The following PALM2AKAP2 variants were observed in gnomAD, a reference collection of about 807,000 sequenced individuals.
PALM2AKAP2 encodes the protein PALM2-AKAP2 fusion protein.
Under a neutral mutation model 71.5 loss-of-function variants are expected in PALM2AKAP2, and 37 were observed. The ratio of observed to expected loss-of-function variants is 0.52; its 90% CI spans 0.40 to 0.68. PALM2AKAP2 has a LOEUF of 0.68. PALM2AKAP2 is among the 30% of genes least tolerant of loss of function. The probability of loss-of-function intolerance (pLI) is 0.00; values close to 1 mark genes in which losing one functional copy is unlikely to be tolerated. For missense variants in PALM2AKAP2, 1,224 were observed against 1,191.8 expected (o/e 1.03, Z -0.40); for synonymous variants, 468 against 478.8 (o/e 0.98, Z 0.29).
In PALM2AKAP2 at chr9:109,826,920, T is replaced by C. The variant is rs372222057; in HGVS notation, c.46-40571T>C. Among the ~76,000 whole-genome samples, 17 of 152,212 alleles carry C rather than the reference T, an allele frequency of 1.1e-4. No individual in the cohort carries two copies. In the East Asian group the frequency reaches 1.5e-3, roughly 14 times the overall value. On this transcript the variant is annotated intron_variant, in intron 1 of 9. Coordinates refer to the PALM2AKAP2 transcript ENST00000302798. The stretch of plus-strand genomic sequence containing the variant: ...TTTCAGAATACTGCCTTCTCAAAGA[T>C]ATGGTTCTCCTGATTGATTATGAAA...
chr9:109,903,794 T>A (rs963393382), intron 3 of PALM2AKAP2, among the ~76,000 whole-genome samples: 8 of 143,064 alleles, frequency 5.6e-5, no homozygotes, highest in African/African-American at 2.1e-4. Flanking sequence ...TTTTCTGGAT[T>A]TTTTTTTTTT....
chr9:109,774,010 T>C (rs1829312635), intron 1 of PALM2AKAP2, among the ~76,000 whole-genome samples: 1 of 152,160 alleles, frequency 6.6e-6, no homozygotes, highest in South Asian at 2.1e-4. Flanking sequence ...GCCAGCAGGG[T>C]GGACAGGATT....
upstream of PALM2AKAP2, among the ~76,000 whole-genome samples, chr9:109,777,095 C>T (rs904177412): frequency 9.2e-5 from 14 of 152,170 alleles, no homozygotes; most frequent in African/African-American, 2.2e-4. Context: ...TCTTTACAAA[C>T]GATTTCTATT....
chr9:109,960,930 A>G (rs1432793938), intron 6 of PALM2AKAP2, among the ~76,000 whole-genome samples: 1 of 152,208 alleles, frequency 6.6e-6, no homozygotes, highest in Non-Finnish European at 1.5e-5. Flanking sequence ...GCAAACAGGT[A>G]TCCTGAGGGT....
chr9:109,780,694 A>G (rs780383746), intron 1 of PALM2AKAP2, among the ~76,000 whole-genome samples, 161 bp downstream of exon 1: 4 of 152,052 alleles, frequency 2.6e-5, no homozygotes, highest in African/African-American at 7.2e-5. Context: ...TTTCTTTTCT[A>G]TGTCTATAGA....
At chr9:109,967,112 G>A (rs1831963966) in intron 6 of PALM2AKAP2, among the ~76,000 whole-genome samples, 1 of 152,172 alleles carries the variant, frequency 6.6e-6, no homozygotes, top group Non-Finnish European at 1.5e-5. Flanking sequence ...GCTGGGGCAA[G>A]AGTCAAGAGT....
chr9:109,704,099 T>C, intron 1 of PALM2AKAP2, among the ~76,000 whole-genome samples: 1 of 152,234 alleles, frequency 6.6e-6, no homozygotes, highest in East Asian at 1.9e-4. Flanking sequence ...GATAGATGAG[T>C]TCCTGGCACT....
chr9:109,850,496 G>A (rs959064655), intron 1 of PALM2AKAP2, among the ~76,000 whole-genome samples: 1 of 152,062 alleles, frequency 6.6e-6, no homozygotes, highest in East Asian at 1.9e-4. Flanking sequence ...AAATAGTAGT[G>A]TAATCCTAAG....
chr9:109,782,574 G>A (rs541721270), intron 1 of PALM2AKAP2, among the ~76,000 whole-genome samples: 72 of 152,248 alleles, frequency 4.7e-4, no homozygotes, highest in Non-Finnish European at 7.4e-4. Flanking sequence ...AATGATTAAT[G>A]TATGTGGGAG....
chr9:110,049,017 G>A (rs1833657425), intron 1 of PALM2AKAP2, among the ~76,000 whole-genome samples: 1 of 152,220 alleles, frequency 6.6e-6, no homozygotes, highest in Admixed American at 6.5e-5. Context: ...AGCGGAGCGT[G>A]TGCTGGGAGA....
rs1441688355 is a variant in PALM2AKAP2, at chr9:109,960,855, A to G, written c.496+28827A>G. Reference sequence around the variant, plus strand: ...AGCAAGTTTAGCAGCAGAATCATAGACAAATTGTCTTCCTATGCCTTGCAG... The same window carrying G: ...AGCAAGTTTAGCAGCAGAATCATAGGCAAATTGTCTTCCTATGCCTTGCAG... On this transcript the variant is annotated intron_variant, in intron 6 of 9. Transcript: ENST00000302798. Among the ~76,000 whole-genome samples the G allele has an allele frequency of 2.0e-5, 3 of 152,170 alleles. No homozygotes were observed. The East Asian group carries it at 5.8e-4, about 29-fold the overall frequency.
chr9:109,810,629 G>A (rs1766332487), intron 1 of PALM2AKAP2, among the ~76,000 whole-genome samples: 1 of 152,116 alleles, frequency 6.6e-6, no homozygotes, highest in African/African-American at 2.4e-5. Flanking sequence ...CCTTCAAGGA[G>A]TTTTGCTGTA....
chr9:110,117,973 T>TTG (rs1171400897), intron 1 of PALM2AKAP2, among the ~76,000 whole-genome samples: 11,330 of 138,418 alleles, frequency 0.082, 493 homozygotes, highest in South Asian at 0.15. Flanking sequence ...ATATGTCGTT[T>TTG]TGTGTGTGTG....
intron 7 of PALM2AKAP2, among the ~76,000 whole-genome samples, chr9:110,037,619 T>C (rs1046509769): frequency 6.6e-6 from 1 of 152,118 alleles, no homozygotes; most frequent in African/African-American, 2.4e-5. Context: ...TAGGGTGAGA[T>C]AGACAAGAAA....
rs1484544851 is a variant in PALM2AKAP2 at position 110,135,188 on chromosome 9, T to TATATATATATATATAA, written c.157-938_157-937insTATATATATATATAAA. 3.3e-3 allele frequency among the ~76,000 whole-genome samples: 307 copies of TATATATATATATATAA among 93,458 alleles called. 11 individuals are homozygous for TATATATATATATATAA. Among genetic ancestry groups the TATATATATATATATAA allele is most frequent in the African/African-American group, 0.013 (290 of 22,434 alleles). The allele number at this position is 93,458 out of a possible 152,430, so 61.3% of individuals were successfully genotyped here. ...AAATATATAAATATATATATATATA[T>TATATATATATATATAA]AAATCAGCCAGGGGTGATGGCACAC... On this transcript the variant is annotated intron_variant, in intron 1 of 3. Transcript: ENST00000374525.
intron 2 of PALM2AKAP2, among the ~76,000 whole-genome samples, chr9:109,867,774 A>G (rs1238225149): frequency 3.3e-5 from 5 of 152,246 alleles, no homozygotes; most frequent in South Asian, 4.2e-4. Flanking sequence ...TTCTGCAAGC[A>G]TAAGATTACA....
intron 7 of PALM2AKAP2, among the ~76,000 whole-genome samples, chr9:110,037,357 C>T (rs556290238): frequency 2.4e-4 from 36 of 152,280 alleles, no homozygotes; most frequent in Middle Eastern, 3.4e-3. Flanking sequence ...CAGACATGCG[C>T]CACCACGCCC....
chr9:110,151,199 A>AT (rs1221895888), intron 2 of PALM2AKAP2, among the ~76,000 whole-genome samples: 2 of 151,876 alleles, frequency 1.3e-5, no homozygotes, highest in African/African-American at 4.8e-5. Flanking sequence ...TTACTTTAAA[A>AT]TTTTTTTCCC....
intron 3 of PALM2AKAP2, among the ~76,000 whole-genome samples, chr9:109,895,875 A>G (rs556276735): frequency 6.6e-6 from 1 of 152,262 alleles, no homozygotes; most frequent in East Asian, 1.9e-4. Context: ...TGGCAGCAGC[A>G]AGGAGAAGCG....
Sources: allele counts gnomAD v4.1 joint callset (sites outside exome capture counted in the v4.1 genomes callset), GRCh38; gene constraint gnomAD v4.1.1; transcripts MANE v1.5; gene names NCBI Gene and HGNC (gene_info 2026-07-23, HGNC 2026-07-21).